The following SFMBT2 variants were observed in gnomAD, a reference collection of about 807,000 sequenced individuals.
The protein encoded by SFMBT2 is Scm like with four mbt domains 2.
SFMBT2 carries 38 observed loss-of-function variants against 110.1 expected under a neutral mutation model. The ratio of observed to expected loss-of-function variants is 0.35; its 90% CI spans 0.27 to 0.45. The LOEUF (loss-of-function observed/expected upper bound fraction) is 0.45. SFMBT2 is among the 20% of genes least tolerant of loss of function. The probability of loss-of-function intolerance (pLI) is 1.00; values close to 1 mark genes in which losing one functional copy is unlikely to be tolerated. For synonymous variants in SFMBT2, 425 were observed against 425.4 expected, an observed-to-expected ratio of 1.00 and a Z score of 0.01; for missense variants, 1,011 against 1,094.9, an observed-to-expected ratio of 0.92 and a Z score of 1.08.
At chr10:7,174,186 G>C (rs901935175) in intron 17 of SFMBT2, among the ~76,000 whole-genome samples, 1 of 152,208 alleles carries the variant, frequency 6.6e-6, no homozygotes, top group Non-Finnish European at 1.5e-5. Flanking sequence ...AATGTCCCGT[G>C]TCCAGTTCTA....
intron 4 of SFMBT2, chr10:7,320,765 G>A (rs1170289465): frequency 1.0e-5 from 2 of 196,906 alleles, no homozygotes; most frequent in African/African-American, 2.4e-5. Flanking sequence ...GACCCTCCAT[G>A]ACCCACATCC....
chr10:7,324,462 A>T (rs1391078020), intron 4 of SFMBT2, among the ~76,000 whole-genome samples: 1 of 152,156 alleles, frequency 6.6e-6, no homozygotes, highest in Non-Finnish European at 1.5e-5. Context: ...GAGCTCCAAA[A>T]ACCAAGAGGT....
chr10:7,201,518 C>A (rs1482382767), intron 13 of SFMBT2, among the ~76,000 whole-genome samples: 2 of 152,104 alleles, frequency 1.3e-5, no homozygotes, highest in Non-Finnish European at 2.9e-5. Context: ...GCATTTAGAA[C>A]CAAACCCACA....
chr10:7,163,413 G>A lies in SFMBT2; in HGVS notation c.*357C>T, dbSNP rs1395449599. The A allele has an allele frequency of 3.0e-5, 6 of 198,926 alleles. No homozygotes were observed. Among genetic ancestry groups the A allele is most frequent in the Admixed American group, 2.2e-4 (4 of 17,944 alleles). The allele number at this position is 198,926 out of a possible 1,614,324, so 12.3% of individuals were successfully genotyped here. A position where few individuals can be genotyped will look rare whatever the true frequency, so the allele number is the denominator to read the frequency against. Reference sequence around the variant, plus strand: ...CATGGCGTGAGGTTTCTTCCTTGGCGACATTCTTTGTTTTCAAAGAATGCA... The same window carrying A: ...CATGGCGTGAGGTTTCTTCCTTGGCAACATTCTTTGTTTTCAAAGAATGCA... On this transcript the variant is annotated 3_prime_UTR_variant, in exon 21 of 21. Coordinates refer to ENST00000397167, the MANE Select transcript of SFMBT2 (RefSeq NM_001387889.1). The surrounding 1 kb of genome is among the most constrained non-coding windows in gnomAD (Gnocchi z 4.8).
intron 10 of SFMBT2, among the ~76,000 whole-genome samples, chr10:7,222,517 T>C (rs1022586565): frequency 6.6e-6 from 1 of 152,212 alleles, no homozygotes; most frequent in Non-Finnish European, 1.5e-5. Flanking sequence ...TGTGTCCTCA[T>C]GTGGTCAGGC....
In SFMBT2 at chr10:7,163,151, C is replaced by CAAACT. The variant is rs1837595476; in HGVS notation, c.*618_*619insAGTTT. ...CAAACAAACAAACAAACAAACAAAC[C>CAAACT]ATCTAGTTGCATGGAGATGCCTGCC... On this transcript the variant is annotated 3_prime_UTR_variant, in exon 21 of 21. Coordinates refer to ENST00000397167, the MANE Select transcript of SFMBT2 (RefSeq NM_001387889.1). This position sits in a 1 kb window ranked among gnomAD's most constrained non-coding sequence, Gnocchi z 4.8. 9.5e-6 allele frequency: 1 copy of CAAACT among 105,696 alleles called. No individual in the cohort carries two copies. The highest frequency in any genetic ancestry group is 9.3e-5 in the Admixed American group (1 of 10,716). 6.5% of individuals were successfully genotyped at this position (105,696 alleles called of 1,614,324 possible). A position where few individuals can be genotyped will look rare whatever the true frequency, so the allele number is the denominator to read the frequency against.
Position 7,228,408 on chromosome 10 carries a change from C to T in SFMBT2, c.1121-471G>A, listed in dbSNP as rs1242374110. On this transcript the variant is annotated intron_variant, in intron 9 of 20. Transcript: ENST00000397167. ...AAAAAAAACAAAACAGTACCAGGGACGACTTTTTAAAAAGTAACAGAAGGT... is the reference window on the plus strand; with the variant it reads ...AAAAAAAACAAAACAGTACCAGGGATGACTTTTTAAAAAGTAACAGAAGGT... The T allele has an allele frequency of 1.6e-5, 13 of 807,076 alleles. No homozygotes were observed. In the East Asian group the frequency reaches 4.9e-4, roughly 30 times the overall value. The allele number at this position is 807,076 out of a possible 1,614,324, so 50.0% of individuals were successfully genotyped here.
chr10:7,194,535 T>A (rs774295921), intron 15 of SFMBT2, among the ~76,000 whole-genome samples: 7 of 152,150 alleles, frequency 4.6e-5, no homozygotes, highest in African/African-American at 1.7e-4. Flanking sequence ...AAGTTCCTAA[T>A]AACACCGATG....
intron 1 of SFMBT2, among the ~76,000 whole-genome samples, chr10:7,386,931 G>A (rs1845624050): frequency 6.6e-6 from 1 of 152,222 alleles, no homozygotes; most frequent in African/African-American, 2.4e-5. Context: ...AGAGCCGCTA[G>A]TGGTGGGGCT....
chr10:7,254,877 G>T (rs893738015), intron 7 of SFMBT2, among the ~76,000 whole-genome samples: 6 of 152,072 alleles, frequency 3.9e-5, no homozygotes, highest in African/African-American at 1.4e-4. Flanking sequence ...ATGGAGACTG[G>T]GCTCTGGATA....
chr10:7,166,701 T>C (rs1047368520), intron 20 of SFMBT2, among the ~76,000 whole-genome samples: 11 of 152,160 alleles, frequency 7.2e-5, no homozygotes, highest in African/African-American at 1.9e-4. Flanking sequence ...GCCAGTCTTA[T>C]AGGGGTGCTG....
chr10:7,254,192 T>G (rs907474601), intron 7 of SFMBT2, among the ~76,000 whole-genome samples: 1 of 152,198 alleles, frequency 6.6e-6, no homozygotes, highest in Non-Finnish European at 1.5e-5. Flanking sequence ...CGAATTAAAC[T>G]GAAGGGATGA....
chr10:7,334,376 G>GGCTGCCTCTTCATCA (rs1396652226), intron 4 of SFMBT2, among the ~76,000 whole-genome samples: 4 of 152,154 alleles, frequency 2.6e-5, no homozygotes, highest in African/African-American at 9.7e-5. Flanking sequence ...GTGTCTAAGA[G>GGCTGCCTCTTCATCA]GCTGCCTCTT....
intron 6 of SFMBT2, among the ~76,000 whole-genome samples, chr10:7,278,727 G>A (rs1376850119): frequency 6.6e-6 from 1 of 152,082 alleles, no homozygotes; most frequent in Non-Finnish European, 1.5e-5. Context: ...CCCTTGCTTG[G>A]GAATCAGGAC....
intron 11 of SFMBT2, 27 bp from the exon 12 acceptor site, chr10:7,205,955 G>C: frequency 6.2e-7 from 1 of 1,612,262 alleles, no homozygotes; most frequent in Non-Finnish European, 8.5e-7. Flanking sequence ...TGAAACAAGA[G>C]GTACAAACAG....
intron 1 of SFMBT2, among the ~76,000 whole-genome samples, chr10:7,399,930 G>C (rs1045217160): frequency 1.2e-4 from 18 of 152,212 alleles, no homozygotes; most frequent in African/African-American, 4.1e-4. Flanking sequence ...ACTGAAAGAA[G>C]GGAATAGTCA....
chr10:7,171,097 C>T lies in SFMBT2; in HGVS notation c.2416-41G>A, dbSNP rs757027886. ...AGGAGGAGCTCAGCTGCGGCACAGT[C>T]AGCTGGCTGGGTCCTCTCCAGCACT... On this transcript the variant is annotated intron_variant, in intron 19 of 20. Transcript: ENST00000397167. This position sits in a 1 kb window ranked among gnomAD's most constrained non-coding sequence, Gnocchi z 4.9. 1 of 1,613,136 alleles carries T rather than the reference C, an allele frequency of 6.2e-7. No homozygotes were observed. Among genetic ancestry groups the T allele is most frequent in the South Asian group, 1.1e-5 (1 of 91,026 alleles).
chr10:7,201,397 A>G (rs1412379795), intron 13 of SFMBT2, among the ~76,000 whole-genome samples: 1 of 152,170 alleles, frequency 6.6e-6, no homozygotes, highest in East Asian at 1.9e-4. Flanking sequence ...CGGGCTGTGC[A>G]TTTAAGGAGT....
At chr10:7,177,549 C>T (rs1475801721) in intron 16 of SFMBT2, among the ~76,000 whole-genome samples, 1 of 151,992 alleles carries the variant, frequency 6.6e-6, no homozygotes, top group African/African-American at 2.4e-5. Flanking sequence ...GGACCTAATC[C>T]CATAGGAGTG....
Sources: allele counts gnomAD v4.1 joint callset (sites outside exome capture counted in the v4.1 genomes callset), GRCh38; gene constraint gnomAD v4.1.1; non-coding constraint Gnocchi (gnomAD v3.1); transcripts MANE v1.5; gene names NCBI Gene and HGNC (gene_info 2026-07-23, HGNC 2026-07-21).